INCENP: variants seen among roughly 807,000 people sequenced by gnomAD.
The protein encoded by INCENP is binds and activates aurora-B and -C in vivo and in vitro.
INCENP carries 43 observed loss-of-function variants against 107.3 expected under a neutral mutation model. The ratio of observed to expected loss-of-function variants is 0.40; its 90% CI spans 0.31 to 0.52. The LOEUF is 0.52. INCENP is among the 20% of genes least tolerant of loss of function. The pLI is 0.53. For missense variants in INCENP, 1,089 were observed against 1,250.9 expected (o/e 0.87, Z 1.95); for synonymous variants, 488 against 494.4 (o/e 0.99, Z 0.17).
At position 62,145,704 on chromosome 11, in the gene INCENP, CGCAGGAA is replaced by C; in HGVS notation, c.1921_1927del (p.Gln641ArgfsTer148). On this transcript the variant is annotated frameshift_variant, in exon 14 of 19. Transcript: ENST00000394818. LOFTEE classifies it high-confidence loss of function. ...CAAGAAGATGGAGGAGGTGGAAGCA[CGCAGGAA>C]GCAGGAAGAGGAGGCACGTAGGCTC... The C allele has an allele frequency of 6.4e-7, 1 of 1,561,652 alleles. No homozygotes were observed. Among genetic ancestry groups the C allele is most frequent in the Non-Finnish European group, 8.7e-7 (1 of 1,152,960 alleles).
Position 62,145,041 on chromosome 11 carries a change from C to T in INCENP, c.1665C>T (p.Arg555=), listed in dbSNP as rs764493375. The change falls in exon 12 of 19, where the codon CGC becomes CGT. Residue 555 remains arginine, a synonymous_variant. Transcript: ENST00000394818. ...LRRKEEAEQL[R]RQKVEEDKRR... The stretch of plus-strand genomic sequence containing the variant: ...GGAAGGAGGAGGCCGAGCAGCTGCG[C>T]AGGCAGAAGGTGGAGGAGGACAAGC... 1.9e-6 allele frequency: 3 copies of T among 1,611,838 alleles called. No homozygotes were observed. Among genetic ancestry groups the T allele is most frequent in the Non-Finnish European group, 1.7e-6 (2 of 1,179,392 alleles).
intron 11 of INCENP, among the ~76,000 whole-genome samples, chr11:62,142,950 G>A (rs1171778062): frequency 1.3e-5 from 2 of 152,224 alleles, no homozygotes; most frequent in African/African-American, 4.8e-5. Flanking sequence ...CTCCAGCCAG[G>A]AAGCTGGGGC....
Position 62,145,639 on chromosome 11 carries a change from A to G in INCENP, c.1847A>G (p.Glu616Gly), listed in dbSNP as rs1944225189. The G allele has an allele frequency of 1.3e-6, 2 of 1,591,898 alleles. No individual in the cohort carries two copies. Among genetic ancestry groups the G allele is most frequent in the East Asian group, 4.6e-5 (2 of 43,832 alleles). ...GGGTGGGCTCTGCAGGCCAAGGAGG[A>G]GCGGCTGGCAGAGGAGAAGGCCAAG... The part of the protein sequence containing the change: ...IDEKTEKAKE[E>G]RLAEEKAKKK... The change falls in exon 14 of 19, where the codon GAG (glutamate) becomes GGG (glycine). Residue 616 changes from glutamate (E) to glycine (G), a missense_variant. Transcript: ENST00000394818.
At chr11:62,144,266 A>C (rs951996969) in intron 11 of INCENP, among the ~76,000 whole-genome samples, 11 of 150,678 alleles carry the variant, frequency 7.3e-5, no homozygotes, top group African/African-American at 2.7e-4. Context: ...TGGGAGGTGG[A>C]GGGTGCAGTG....
chr11:62,143,617 C>T (rs888569537), intron 11 of INCENP, among the ~76,000 whole-genome samples: 3 of 152,168 alleles, frequency 2.0e-5, no homozygotes, highest in Admixed American at 6.5e-5. Flanking sequence ...CCATCTTACC[C>T]GTTCCCGGGA....
At chr11:62,132,736 G>A (rs980458991) in intron 4 of INCENP, among the ~76,000 whole-genome samples, 1 of 152,100 alleles carries the variant, frequency 6.6e-6, no homozygotes, top group Non-Finnish European at 1.5e-5. Flanking sequence ...CCATGAATGG[G>A]CTTCTGATTT....
chr11:62,144,353 A>AAG (rs1944191493), intron 11 of INCENP, among the ~76,000 whole-genome samples: 2 of 152,122 alleles, frequency 1.3e-5, no homozygotes, highest in African/African-American at 4.8e-5. Context: ...AAAAAAGAAA[A>AAG]AAAAGTGCAT....
chr11:62,140,120 G>A (rs537596513), intron 7 of INCENP, 114 bp from the exon 8 acceptor site: 1 of 848,058 alleles, frequency 1.2e-6, no homozygotes, highest in Non-Finnish European at 2.0e-6. Context: ...GCCAGGAAGG[G>A]AGCCTTGCCC....
chr11:62,130,252 AC>A lies in INCENP; in HGVS notation c.729del (p.Lys244ArgfsTer75). On this transcript the variant is annotated frameshift_variant, in exon 4 of 19. Transcript: ENST00000394818. The part of the protein sequence containing the change: ...TVSSLMATPQ[D>X]PKGQGVGTGR... ...AGCTCCCTGATGGCTACACCCCAGG[AC>A]CCCAAGGGTCAAGGGGTCGGGACGG... 6.2e-7 allele frequency: 1 copy of A among 1,613,498 alleles called. No homozygotes were observed. The highest frequency in any genetic ancestry group is 8.5e-7 in the Non-Finnish European group (1 of 1,180,024).
chr11:62,139,823 G>T (rs1190491622), intron 7 of INCENP, among the ~76,000 whole-genome samples: 1 of 152,220 alleles, frequency 6.6e-6, no homozygotes, highest in Non-Finnish European at 1.5e-5. Context: ...GTCAGAGGTG[G>T]GTGGGGCACG....
chr11:62,139,864 C>T (rs1014673185), intron 7 of INCENP, among the ~76,000 whole-genome samples: 33 of 152,182 alleles, frequency 2.2e-4, no homozygotes, highest in African/African-American at 7.0e-4. Context: ...AGGACCGTCC[C>T]GCCCTGCCTT....
In INCENP at chr11:62,130,285, C is replaced by G; in HGVS notation, c.758C>G (p.Ser253Cys). The change falls in exon 4 of 19, where the codon TCT becomes TGT. Residue 253 changes from serine to cysteine, a missense_variant. Physicochemically the swap from Ser to Cys is moderately radical, Grantham distance 112. Transcript: ENST00000394818. The part of the protein sequence containing the change: ...PKGQGVGTGR[S>C]ASKLRIAQVS... ...GGTCAAGGGGTCGGGACGGGGCGGTCTGCGTCTAAGCTCAGGATTGCGCAG... is the reference window on the plus strand; with the variant it reads ...GGTCAAGGGGTCGGGACGGGGCGGTGTGCGTCTAAGCTCAGGATTGCGCAG... The G allele has an allele frequency of 6.2e-7, 1 of 1,612,440 alleles. No homozygotes were observed. The highest frequency in any genetic ancestry group is 8.5e-7 in the Non-Finnish European group (1 of 1,180,030).
At chr11:62,148,053 T>G (rs1317949477) in intron 15 of INCENP, among the ~76,000 whole-genome samples, 1 of 152,172 alleles carries the variant, frequency 6.6e-6, no homozygotes, top group Non-Finnish European at 1.5e-5. Context: ...CAGTGTGTTG[T>G]GGAGGTGACT....
At chr11:62,132,204 G>A (rs1943907350) in intron 4 of INCENP, among the ~76,000 whole-genome samples, 1 of 152,238 alleles carries the variant, frequency 6.6e-6, no homozygotes, top group South Asian at 2.1e-4. Flanking sequence ...AGCTTGTGAG[G>A]AATTTTTCAC....
intron 1 of INCENP, among the ~76,000 whole-genome samples, chr11:62,126,813 A>G (rs1943760952): frequency 1.0e-5 from 1 of 99,054 alleles, no homozygotes; most frequent in Non-Finnish European, 2.7e-5. Context: ...TATTATTTAT[A>G]ACACCTAATA....
intron 11 of INCENP, among the ~76,000 whole-genome samples, chr11:62,142,035 A>G (rs1293249813): frequency 6.6e-6 from 1 of 152,180 alleles, no homozygotes; most frequent in African/African-American, 2.4e-5. Context: ...GCGTCTAGAA[A>G]CAAGTCGCAG....
chr11:62,144,932 G>A (rs1232019566), intron 11 of INCENP, 50 bp from the exon 12 acceptor site: 1 of 1,514,820 alleles, frequency 6.6e-7, no homozygotes. Flanking sequence ...GGGCTGGGTG[G>A]GGGGTCGTCC....
intron 18 of INCENP, among the ~76,000 whole-genome samples, chr11:62,150,734 G>A (rs1944355645): frequency 6.6e-6 from 1 of 152,216 alleles, no homozygotes; most frequent in Non-Finnish European, 1.5e-5. Flanking sequence ...CCAGAATGTG[G>A]GTGAGCGTGA....
At chr11:62,133,366 G>C (rs1216882626) in intron 4 of INCENP, among the ~76,000 whole-genome samples, 1 of 152,240 alleles carries the variant, frequency 6.6e-6, no homozygotes, top group African/African-American at 2.4e-5. Flanking sequence ...GGAAGCCAGA[G>C]TGTGGCCCCG....
Sources: allele counts gnomAD v4.1 joint callset (sites outside exome capture counted in the v4.1 genomes callset), GRCh38; gene constraint gnomAD v4.1.1; transcripts MANE v1.5; gene names NCBI Gene and HGNC (gene_info 2026-07-23, HGNC 2026-07-21).